The following HSD17B12 variants were observed in gnomAD, a reference collection of about 807,000 sequenced individuals.
The protein encoded by HSD17B12 is very-long-chain 3-oxoacyl-CoA reductase.
HSD17B12 carries 32 observed loss-of-function variants against 39.3 expected under a neutral mutation model. The ratio of observed to expected loss-of-function variants is 0.81; its 90% confidence interval spans 0.61 to 1.09. HSD17B12 has a LOEUF of 1.09. HSD17B12 is among the 50% of genes least tolerant of loss of function. HSD17B12 has a pLI of 0.00. For missense variants in HSD17B12, 342 were observed against 382.9 expected (o/e 0.89, Z 0.89); for synonymous variants, 150 against 146.7 (o/e 1.02, Z -0.16).
At chr11:43,602,485 T>C in the HSD17B12 span, among the ~76,000 whole-genome samples, 1 of 152,136 alleles carries the variant, frequency 6.6e-6, no homozygotes, top group Non-Finnish European at 1.5e-5. Context: ...GAGACAATAA[T>C]TTGAGTAAGA....
At chr11:43,825,318 C>A (rs1000670002) in intron 6 of HSD17B12, among the ~76,000 whole-genome samples, 1 of 152,072 alleles carries the variant, frequency 6.6e-6, no homozygotes, top group African/African-American at 2.4e-5. Flanking sequence ...GATGCCCTGC[C>A]CATGGAGTAG....
chr11:43,629,218 G>A, the HSD17B12 span, among the ~76,000 whole-genome samples: 5 of 152,192 alleles, frequency 3.3e-5, no homozygotes, highest in Admixed American at 1.3e-4. Flanking sequence ...TCTAGTTAAC[G>A]GCTGATTCTG....
chr11:43,711,527 T>C (rs368480326), intron 1 of HSD17B12, among the ~76,000 whole-genome samples: 2 of 149,260 alleles, frequency 1.3e-5, no homozygotes, highest in Admixed American at 6.8e-5. Flanking sequence ...GAGGCTAGAG[T>C]GCAGTGGTAC....
chr11:43,840,582 A>G (rs4755215), intron 9 of HSD17B12, among the ~76,000 whole-genome samples: 49,010 of 150,152 alleles, frequency 0.33, 9,623 homozygotes, highest in East Asian at 0.7. Flanking sequence ...ATCTATCTCT[A>G]TGAATTTGAC....
chr11:43,790,612 G>A (rs1473393945), intron 3 of HSD17B12, among the ~76,000 whole-genome samples: 1 of 152,186 alleles, frequency 6.6e-6, no homozygotes. Context: ...GCATGGATAT[G>A]CTGGACAAAG....
chr11:43,848,189 G>A (rs896236701), intron 9 of HSD17B12, among the ~76,000 whole-genome samples: 8 of 152,184 alleles, frequency 5.3e-5, no homozygotes, highest in African/African-American at 1.9e-4. Flanking sequence ...CGCTGGAAAT[G>A]TTCATGTATG....
At chr11:43,768,203 G>A (rs969912616) in intron 3 of HSD17B12, among the ~76,000 whole-genome samples, 4 of 152,142 alleles carry the variant, frequency 2.6e-5, no homozygotes, top group African/African-American at 7.2e-5. Context: ...TCCCCAAAAC[G>A]TAATGTCAGA....
chr11:43,625,572 C>T, the HSD17B12 span, among the ~76,000 whole-genome samples: 6 of 151,312 alleles, frequency 4.0e-5, no homozygotes, highest in Admixed American at 1.3e-4. Context: ...GCATATAAGA[C>T]ATTTTATCAC....
chr11:43,607,606 A>G, the HSD17B12 span, among the ~76,000 whole-genome samples: 449 of 152,310 alleles, frequency 2.9e-3, 8 homozygotes, highest in East Asian at 0.075. Context: ...GGAACTAATA[A>G]TATACCCACT....
the HSD17B12 span, among the ~76,000 whole-genome samples, chr11:43,598,722 GTCTCTGCT>G: frequency 2.6e-5 from 4 of 152,162 alleles, no homozygotes; most frequent in South Asian, 8.3e-4. Flanking sequence ...TCCATCTCCG[GTCTCTGCT>G]CTGATGTGCC....
At chr11:43,581,305 C>T in the HSD17B12 span, 2 of 468,324 alleles carry the variant, frequency 4.3e-6, no homozygotes, top group Non-Finnish European at 4.4e-6. The surrounding 1 kb of genome is among the most constrained non-coding windows in gnomAD (Gnocchi z 4.9). Context: ...CGCGATGGAA[C>T]GCGCTGGGGA....
At position 43,794,077 on chromosome 11, in the gene HSD17B12, T is replaced by C. The variant is rs547109711; in HGVS notation, c.284-4243T>C. On this transcript the variant is annotated intron_variant, in intron 3 of 10. Coordinates refer to ENST00000278353, the MANE Select transcript of HSD17B12 (RefSeq NM_016142.3). ...TTTTTTTCTTCTTGGTGTTTGGTCT[T>C]AGCCACTAGGCTGAGAGGCAGTTGG... Among the ~76,000 whole-genome samples the C allele has an allele frequency of 3.0e-4, 46 of 152,320 alleles. 1 individual carries two copies. The highest frequency in any genetic ancestry group is 8.7e-4 in the African/African-American group (36 of 41,580).
At chr11:43,591,997 T>A in the HSD17B12 span, among the ~76,000 whole-genome samples, 9 of 152,228 alleles carry the variant, frequency 5.9e-5, no homozygotes, top group Admixed American at 6.5e-5. Flanking sequence ...ATTTTTGAGT[T>A]AATATTTTTT....
intron 1 of HSD17B12, among the ~76,000 whole-genome samples, chr11:43,704,946 G>A (rs1050555282): frequency 1.3e-5 from 2 of 152,148 alleles, no homozygotes; most frequent in African/African-American, 4.8e-5. Context: ...AATGTTTCCT[G>A]TTACTTTGAG....
chr11:43,794,951 C>A (rs1035947448), intron 3 of HSD17B12, among the ~76,000 whole-genome samples: 1 of 152,112 alleles, frequency 6.6e-6, no homozygotes, highest in Non-Finnish European at 1.5e-5. Flanking sequence ...AAGTACTACT[C>A]CAAAAACTTT....
At chr11:43,805,977 G>A (rs1195090941) in intron 4 of HSD17B12, among the ~76,000 whole-genome samples, 1 of 152,144 alleles carries the variant, frequency 6.6e-6, no homozygotes, top group Non-Finnish European at 1.5e-5. Flanking sequence ...TTATTATGAT[G>A]GATAAAAGTC....
chr11:43,627,025 C>T, the HSD17B12 span, among the ~76,000 whole-genome samples: 3 of 151,978 alleles, frequency 2.0e-5, no homozygotes, highest in Non-Finnish European at 2.9e-5. Flanking sequence ...ATCTACCTGA[C>T]GTTTGCAAAC....
chr11:43,691,441 T>G (rs1484911232), intron 1 of HSD17B12, among the ~76,000 whole-genome samples: 1 of 152,236 alleles, frequency 6.6e-6, no homozygotes, highest in Non-Finnish European at 1.5e-5. Flanking sequence ...GTTTGCTCCC[T>G]CATCTCTAAG....
intron 1 of HSD17B12, among the ~76,000 whole-genome samples, chr11:43,729,597 G>T (rs74847911): frequency 6.6e-6 from 1 of 152,206 alleles, no homozygotes; most frequent in African/African-American, 2.4e-5. Flanking sequence ...TGCATAAGAG[G>T]ACGCTTAAAT....
Sources: allele counts gnomAD v4.1 joint callset (sites outside exome capture counted in the v4.1 genomes callset), GRCh38; gene constraint gnomAD v4.1.1; non-coding constraint Gnocchi (gnomAD v3.1); transcripts MANE v1.5; gene names NCBI Gene and HGNC (gene_info 2026-07-23, HGNC 2026-07-21).